Variants in NIPAL1 observed in about 807,000 individuals in gnomAD.
The protein encoded by NIPAL1 is magnesium transporter NIPA3.
In NIPAL1, 35 loss-of-function variants were observed where a neutral mutation model predicts 37.7. The observed-to-expected ratio is 0.93, with a 90% CI of 0.71 to 1.23. The LOEUF (loss-of-function observed/expected upper bound fraction) is 1.23. Ranked by LOEUF, NIPAL1 falls within the 50% of genes most tolerant of loss-of-function variation. The pLI is 0.00. For missense variants in NIPAL1, 412 were observed against 473.9 expected, an observed-to-expected ratio of 0.87 and a Z score of 1.21; for synonymous variants, 162 against 183.0, an observed-to-expected ratio of 0.89 and a Z score of 0.93.
At chr4:48,032,920 G>C in intron 3 of NIPAL1, 73 bp from the exon 4 acceptor site, 1 of 991,684 alleles carries the variant, frequency 1.0e-6, no homozygotes. Context: ...CCACTGCTTT[G>C]CATGAGTCAT....
rs184190845 is a variant in NIPAL1, at chr4:48,021,978, G to T, written c.47-3090G>T. On this transcript the variant is annotated intron_variant, in intron 1 of 5. Transcript: ENST00000295461. ...AACATCAAAGAAGAAGTACATGTTC[G>T]TGGCTAGCAAGAGTGTACTTTGGTA... Among the ~76,000 whole-genome samples the T allele has an allele frequency of 9.2e-5, 14 of 151,938 alleles. No individual in the cohort carries two copies. The East Asian group carries it at 2.5e-3, about 27-fold the overall frequency.
intron 2 of NIPAL1, among the ~76,000 whole-genome samples, chr4:48,025,786 G>C (rs1715672852): frequency 6.6e-6 from 1 of 152,186 alleles, no homozygotes; most frequent in African/African-American, 2.4e-5. Context: ...TCTTGATGGA[G>C]TCAGCTGTGT....
chr4:48,034,779 T>C (rs895070307), intron 4 of NIPAL1, 102 bp from the exon 5 acceptor site: 12 of 824,926 alleles, frequency 1.5e-5, no homozygotes, highest in Middle Eastern at 3.0e-4. Context: ...AGTCAGCTCA[T>C]TGGGATACAT....
At chr4:48,030,495 C>G (rs1715796792) in intron 3 of NIPAL1, among the ~76,000 whole-genome samples, 1 of 152,130 alleles carries the variant, frequency 6.6e-6, no homozygotes, top group Non-Finnish European at 1.5e-5. Flanking sequence ...AAGTACTTTT[C>G]TTTCATATTT....
intron 1 of NIPAL1, among the ~76,000 whole-genome samples, chr4:48,024,102 A>G (rs1279814253): frequency 6.6e-6 from 1 of 150,966 alleles, no homozygotes; most frequent in Admixed American, 6.6e-5. Context: ...CCTCCAGAGT[A>G]GCTGGGACTA....
Position 48,036,029 on chromosome 4 carries a change from T to G in NIPAL1, c.1090T>G (p.Trp364Gly), listed in dbSNP as rs1715927247. ...LHAFKNTDIT[W>G]SELTSTAKKE... ...TGCTTTTAAAAATACTGACATTACT[T>G]GGAGTGAGCTTACATCCACTGCTAA... The change falls in exon 6 of 6, where the codon TGG becomes GGG. Residue 364 changes from tryptophan (W) to glycine (G), a missense_variant. Transcript: ENST00000295461. The G allele has an allele frequency of 1.2e-6, 2 of 1,612,572 alleles. No homozygotes were observed. Among genetic ancestry groups the G allele is most frequent in the African/African-American group, 2.7e-5 (2 of 74,894 alleles).
chr4:48,033,182 C>A, intron 4 of NIPAL1, 99 bp downstream of exon 4: 1 of 741,782 alleles, frequency 1.3e-6, no homozygotes. Flanking sequence ...TAAAAGCAAA[C>A]ACACAAATCT....
chr4:48,019,906 A>G (rs1054862270), intron 1 of NIPAL1, among the ~76,000 whole-genome samples: 2 of 152,040 alleles, frequency 1.3e-5, no homozygotes, highest in Admixed American at 6.5e-5. Flanking sequence ...AGTTTCTTCA[A>G]CCCCTCAGGG....
chr4:48,030,456 T>C (rs1715795755), intron 3 of NIPAL1, among the ~76,000 whole-genome samples: 1 of 152,200 alleles, frequency 6.6e-6, no homozygotes, highest in African/African-American at 2.4e-5. Flanking sequence ...ACAGACTTCT[T>C]GTATTTTCTT....
At position 48,035,683 on chromosome 4, in the gene NIPAL1, G is replaced by A. The variant is rs147778442; in HGVS notation, c.744G>A (p.Ala248=). The A allele has an allele frequency of 4.0e-5, 65 of 1,613,960 alleles. No homozygotes were observed. The East Asian group carries it at 9.6e-4, about 24-fold the overall frequency. The change falls in exon 6 of 6, where the codon GCG becomes GCA. Residue 248 remains alanine (A), a synonymous_variant. Coordinates refer to ENST00000295461, the MANE Select transcript of NIPAL1 (RefSeq NM_207330.3). ...TTTCAATCTGTTCCTTGATTGGAGC[G>A]TTTTCAGTTTCTTCTGTGAAAGGCC... ...VYISICSLIG[A]FSVSSVKGLG...
Position 48,019,963 on chromosome 4 carries a change from T to C in NIPAL1, c.46+3078T>C, listed in dbSNP as rs1180681411. On this transcript the variant is annotated intron_variant, in intron 1 of 5. Coordinates refer to ENST00000295461, the MANE Select transcript of NIPAL1 (RefSeq NM_207330.3). The stretch of plus-strand genomic sequence containing the variant: ...GAGAGGCTCTTTTGTTTAATCCTGT[T>C]TTAAAAAATATATTCCTTGATGCTG... 3.9e-5 allele frequency among the ~76,000 whole-genome samples: 6 copies of C among 152,218 alleles called. 1 individual carries two copies. Among genetic ancestry groups the C allele is most frequent in the African/African-American group, 1.4e-4 (6 of 41,456 alleles).
intron 2 of NIPAL1, among the ~76,000 whole-genome samples, chr4:48,028,127 TC>T (rs1175658120): frequency 6.6e-6 from 1 of 152,042 alleles, no homozygotes; most frequent in East Asian, 1.9e-4. Context: ...TTTTAAGCAA[TC>T]CTAAGCAAAA....
Position 48,039,844 on chromosome 4 carries a change from A to G in NIPAL1, c.*3672A>G. ...GACCATTGAGTGCCTATTTTTATACATTCATCTTTTCTCAATTTGTCACAT... is the reference window on the plus strand; with the variant it reads ...GACCATTGAGTGCCTATTTTTATACGTTCATCTTTTCTCAATTTGTCACAT... On this transcript the variant is annotated 3_prime_UTR_variant, in exon 6 of 6. Coordinates refer to ENST00000295461, the MANE Select transcript of NIPAL1 (RefSeq NM_207330.3). 1 of 152,218 alleles carries G rather than the reference A, an allele frequency of 6.6e-6. No homozygotes were observed. Among genetic ancestry groups the G allele is most frequent in the East Asian group, 1.9e-4 (1 of 5,208 alleles). 9.4% of individuals were successfully genotyped at this position (152,218 alleles called of 1,614,324 possible).
rs1252223939 is a variant in NIPAL1 at position 48,038,606 on chromosome 4, C to G, written c.*2434C>G. The G allele has an allele frequency of 6.6e-6, 1 of 151,852 alleles. No homozygotes were observed. The highest frequency in any genetic ancestry group is 2.4e-5 in the African/African-American group (1 of 41,346). 9.4% of individuals were successfully genotyped at this position (151,852 alleles called of 1,614,324 possible). A position where few individuals can be genotyped will look rare whatever the true frequency, so the allele number is the denominator to read the frequency against. On this transcript the variant is annotated 3_prime_UTR_variant, in exon 6 of 6. Transcript: ENST00000295461. ...CTGGGTGACAAGAGTGAGACCCTGA[C>G]CCAAAAAAGTATCTTCTGATAAAGT...
At chr4:48,034,048 A>T (rs1715873868) in intron 4 of NIPAL1, among the ~76,000 whole-genome samples, 1 of 152,206 alleles carries the variant, frequency 6.6e-6, no homozygotes, top group Non-Finnish European at 1.5e-5. Flanking sequence ...TTGAGGACAG[A>T]TGGGTACTTA....
intron 1 of NIPAL1, among the ~76,000 whole-genome samples, chr4:48,017,799 G>A (rs1715472466): frequency 6.6e-6 from 1 of 152,120 alleles, no homozygotes. Flanking sequence ...AAGGGGAAGG[G>A]AGGCAGTGAA....
At chr4:48,029,467 T>C (rs1715775174) in intron 2 of NIPAL1, among the ~76,000 whole-genome samples, 1 of 152,200 alleles carries the variant, frequency 6.6e-6, no homozygotes, top group Non-Finnish European at 1.5e-5. Context: ...GATGAAATAC[T>C]ACCTGTTGGG....
Position 48,025,113 on chromosome 4 carries a change from G to T in NIPAL1, c.92G>T (p.Cys31Phe), listed in dbSNP as rs1345058922. The stretch of plus-strand genomic sequence containing the variant: ...TGTCCAAACTCCTCCCAGGCTTGGT[G>T]TGAGATCACAAATGTGTCACAGCTG... ...LVCPNSSQAWCEITNVSQLLA... is the reference protein window; with the variant it reads ...LVCPNSSQAWFEITNVSQLLA... The change falls in exon 2 of 6, where the codon TGT becomes TTT. Residue 31 changes from cysteine to phenylalanine, a missense_variant. By Grantham distance (205) the Cys-to-Phe change is radical (BLOSUM62 -2). Transcript: ENST00000295461. The T allele has an allele frequency of 6.2e-7, 1 of 1,614,040 alleles. No individual in the cohort carries two copies.
At chr4:48,030,399 T>A (rs1715795057) in intron 3 of NIPAL1, among the ~76,000 whole-genome samples, 1 of 152,196 alleles carries the variant, frequency 6.6e-6, no homozygotes, top group Non-Finnish European at 1.5e-5. Context: ...AGTACTGTCC[T>A]GGAATGCAAG....
Sources: allele counts gnomAD v4.1 joint callset (sites outside exome capture counted in the v4.1 genomes callset), GRCh38; gene constraint gnomAD v4.1.1; transcripts MANE v1.5; gene names NCBI Gene and HGNC (gene_info 2026-07-23, HGNC 2026-07-21).